ERG: variants seen among roughly 807,000 people sequenced by gnomAD.
The protein encoded by ERG is ETS transcription factor ERG, also known as transcriptional regulator ERG.
A neutral mutation model predicts 55.3 loss-of-function variants in ERG; 9 were observed. That is an observed-to-expected ratio of 0.16 (90% CI 0.10 to 0.28). The LOEUF is 0.28. Among genes scored for constraint, ERG ranks in the 10% least tolerant of loss-of-function variants. ERG has a pLI of 1.00. For missense variants in ERG, 434 were observed against 631.6 expected, an observed-to-expected ratio of 0.69 and a Z score of 3.35; for synonymous variants, 223 against 237.3, an observed-to-expected ratio of 0.94 and a Z score of 0.55.
At chr21:38,433,568 C>T (rs190935946) in intron 2 of ERG, among the ~76,000 whole-genome samples, 12 of 152,116 alleles carry the variant, frequency 7.9e-5, no homozygotes, top group Non-Finnish European at 1.2e-4. Flanking sequence ...CTACTTACAG[C>T]GAGGCAATTT....
chr21:38,583,452 G>A (rs559805378), intron 1 of ERG, among the ~76,000 whole-genome samples: 72 of 152,158 alleles, frequency 4.7e-4, no homozygotes, highest in African/African-American at 1.5e-3. Context: ...GAATACCAGC[G>A]GGAGACAGAA....
At chr21:38,572,192 T>TAAAAA (rs11406884) in intron 2 of ERG, among the ~76,000 whole-genome samples, 26 of 130,578 alleles carry the variant, frequency 2.0e-4, no homozygotes, top group African/African-American at 5.8e-4. Flanking sequence ...CCGTCTCTAC[T>TAAAAA]AAAAAAAAAA....
intron 1 of ERG, among the ~76,000 whole-genome samples, chr21:38,624,816 C>A (rs1277524461): frequency 1.3e-5 from 2 of 152,096 alleles, no homozygotes; most frequent in East Asian, 1.9e-4. Context: ...ACATCACAGC[C>A]CTTATCACAA....
At chr21:38,457,075 T>A (rs1170395820) in intron 1 of ERG, among the ~76,000 whole-genome samples, 1 of 152,206 alleles carries the variant, frequency 6.6e-6, no homozygotes, top group African/African-American at 2.4e-5. Context: ...AAACTACACA[T>A]ACTTACATCA....
intron 1 of ERG, among the ~76,000 whole-genome samples, chr21:38,650,718 A>G (rs928097957): frequency 2.1e-4 from 32 of 152,256 alleles, no homozygotes; most frequent in African/African-American, 7.0e-4. Flanking sequence ...TATAGTACAC[A>G]TATAGCACAC....
At chr21:38,519,087 A>T (rs796584424) in intron 2 of ERG, among the ~76,000 whole-genome samples, 5 of 152,328 alleles carry the variant, frequency 3.3e-5, no homozygotes, top group African/African-American at 1.2e-4. Flanking sequence ...TGAATGAAAT[A>T]ACACCACAGA....
chr21:38,559,833 A>G (rs28479390), intron 2 of ERG, among the ~76,000 whole-genome samples: 22,356 of 152,112 alleles, frequency 0.15, 1,790 homozygotes, highest in East Asian at 0.33. Flanking sequence ...GGCATGCGCC[A>G]CCACGCCCAG....
intron 1 of ERG, among the ~76,000 whole-genome samples, chr21:38,584,308 C>T (rs888763877): frequency 6.6e-6 from 1 of 152,212 alleles, no homozygotes; most frequent in Non-Finnish European, 1.5e-5. Flanking sequence ...TGACCCTCTC[C>T]TTCTTCAACT....
At chr21:38,618,745 G>A (rs937887145) in intron 1 of ERG, among the ~76,000 whole-genome samples, 11 of 152,184 alleles carry the variant, frequency 7.2e-5, no homozygotes, top group East Asian at 3.9e-4. Flanking sequence ...GAGACAGAGT[G>A]AGCAGAGGTT....
chr21:38,420,320 G>T (rs1989485902), intron 3 of ERG, among the ~76,000 whole-genome samples: 1 of 146,324 alleles, frequency 6.8e-6, no homozygotes, highest in Admixed American at 6.8e-5. Flanking sequence ...GTGTGTGTGT[G>T]TTCATCTCTG....
At chr21:38,660,326 C>T (rs1400308146) in intron 1 of ERG, among the ~76,000 whole-genome samples, 2 of 152,216 alleles carry the variant, frequency 1.3e-5, no homozygotes, top group Non-Finnish European at 2.9e-5. Flanking sequence ...CATCCGCACC[C>T]GACTGCACGC....
chr21:38,622,183 T>C (rs918294556), intron 1 of ERG, among the ~76,000 whole-genome samples: 1 of 152,180 alleles, frequency 6.6e-6, no homozygotes, highest in Non-Finnish European at 1.5e-5. Context: ...ATTTGTACTC[T>C]TTTTAGCCAA....
rs574711414 is a variant in ERG, at chr21:38,406,016, A to G, written c.389-2307T>C. Among the ~76,000 whole-genome samples, 661 of 152,050 alleles carry G rather than the reference A, an allele frequency of 4.3e-3. 7 individuals are homozygous for G. Among genetic ancestry groups the G allele is most frequent in the African/African-American group, 0.015 (636 of 41,488 alleles). ...AAATACAAAAAAAAATTAGTCGGGC[A>G]TGGTGGCGGGTGCCTGTAGTCTCAG... is the stretch of plus-strand genomic sequence containing the variant. On this transcript the variant is annotated intron_variant, in intron 3 of 9. Transcript: ENST00000288319.
At chr21:38,378,240 C>T (rs1987293304), downstream of ERG, among the ~76,000 whole-genome samples, 1 of 152,232 alleles carries the variant, frequency 6.6e-6, no homozygotes, top group African/African-American at 2.4e-5. Context: ...TCACAGAACC[C>T]AAGTTGCACT....
intron 3 of ERG, among the ~76,000 whole-genome samples, chr21:38,405,404 G>A (rs192721633): frequency 7.2e-5 from 11 of 152,136 alleles, no homozygotes; most frequent in African/African-American, 2.2e-4. Flanking sequence ...CCATGCATAC[G>A]CGTGAATGAG....
intron 1 of ERG, among the ~76,000 whole-genome samples, chr21:38,617,633 A>G (rs1035171723): frequency 3.3e-5 from 5 of 152,178 alleles, no homozygotes; most frequent in African/African-American, 1.2e-4. Flanking sequence ...TCTTCATATA[A>G]CATTCACTGA....
chr21:38,403,772 A>G, intron 3 of ERG, 63 bp from the exon 4 acceptor site: 1 of 1,493,558 alleles, frequency 6.7e-7, no homozygotes, highest in Non-Finnish European at 9.3e-7. Context: ...CTTGGGGTAG[A>G]TCCCCATCCA....
chr21:38,405,933 A>G (rs1423895867), intron 3 of ERG, among the ~76,000 whole-genome samples: 2 of 152,102 alleles, frequency 1.3e-5, no homozygotes, highest in Non-Finnish European at 2.9e-5. Context: ...CGGGTGGATC[A>G]CGAGGTCAGG....
intron 2 of ERG, among the ~76,000 whole-genome samples, chr21:38,557,506 C>G (rs2059865362): frequency 2.0e-5 from 3 of 152,050 alleles, no homozygotes; most frequent in African/African-American, 7.2e-5. Context: ...TGGGACCAAC[C>G]TGAGGTTTGT....
Sources: allele counts gnomAD v4.1 joint callset (sites outside exome capture counted in the v4.1 genomes callset), GRCh38; gene constraint gnomAD v4.1.1; transcripts MANE v1.5; gene names NCBI Gene and HGNC (gene_info 2026-07-23, HGNC 2026-07-21).